The following MERTK variants were observed in gnomAD, a reference collection of about 807,000 sequenced individuals.
MERTK encodes the protein MER proto-oncogene, tyrosine kinase.
MERTK carries 69 observed loss-of-function variants against 99.3 expected under a neutral mutation model. The observed-to-expected ratio is 0.70, with a 90% CI of 0.57 to 0.85. MERTK has a LOEUF of 0.85. Among genes scored for constraint, MERTK ranks in the 40% least tolerant of loss-of-function variants. The pLI, the probability that MERTK is intolerant of heterozygous loss-of-function variation, is 0.00. For synonymous variants in MERTK, 426 were observed against 467.6 expected (o/e 0.91, Z 1.15); for missense variants, 1,125 against 1,249.4 (o/e 0.90, Z 1.50).
chr2:111,944,303 CA>C (rs776451722), intron 2 of MERTK, among the ~76,000 whole-genome samples: 20,579 of 68,160 alleles, frequency 0.3, 972 homozygotes, highest in African/African-American at 0.34. Context: ...GAATCTGTCT[CA>C]AAAAAAAAAA....
intron 8 of MERTK, among the ~76,000 whole-genome samples, chr2:111,983,997 A>G (rs1676423047): frequency 6.6e-6 from 1 of 152,214 alleles, no homozygotes; most frequent in South Asian, 2.1e-4. Context: ...GATTTATGAT[A>G]AGAAATTGAC....
intron 1 of MERTK, among the ~76,000 whole-genome samples, chr2:111,907,671 G>A (rs1275414472): frequency 6.6e-6 from 1 of 152,226 alleles, no homozygotes. Context: ...CCCCCTGAGG[G>A]GGAACAGCAG....
intron 6 of MERTK, among the ~76,000 whole-genome samples, chr2:111,973,139 C>G (rs1676157317): frequency 6.6e-6 from 1 of 152,188 alleles, no homozygotes; most frequent in Non-Finnish European, 1.5e-5. Flanking sequence ...TGAGGACCCA[C>G]TGACTGAGAA....
chr2:111,925,292 A>ATATATATATATAT (rs372747015), intron 1 of MERTK, among the ~76,000 whole-genome samples: 42 of 24,496 alleles, frequency 1.7e-3, no homozygotes, highest in Non-Finnish European at 2.5e-3. Context: ...ATATATATAT[A>ATATATATATATAT]TTTTTTTTTT....
chr2:111,998,117 A>G (rs1039437483), intron 10 of MERTK, among the ~76,000 whole-genome samples: 3 of 152,156 alleles, frequency 2.0e-5, no homozygotes, highest in Non-Finnish European at 2.9e-5. Flanking sequence ...AAGACTTGCC[A>G]TAGGCGTGGG....
At chr2:111,938,001 T>G (rs1013424616) in intron 2 of MERTK, among the ~76,000 whole-genome samples, 2 of 152,324 alleles carry the variant, frequency 1.3e-5, no homozygotes, top group South Asian at 2.1e-4. Context: ...TGTGCAACCA[T>G]CAGCACACGT....
intron 13 of MERTK, 24 bp from the exon 14 acceptor site, chr2:112,008,359 A>T: frequency 1.3e-6 from 2 of 1,576,646 alleles, no homozygotes; most frequent in Non-Finnish European, 1.7e-6. Flanking sequence ...ATCCATACTT[A>T]ACCTTTTCTA....
intron 4 of MERTK, among the ~76,000 whole-genome samples, chr2:111,964,285 C>G (rs1685315167): frequency 6.6e-6 from 1 of 151,978 alleles, no homozygotes; most frequent in Non-Finnish European, 1.5e-5. Flanking sequence ...ACTTTATTTT[C>G]CTGCTCAAAT....
At chr2:112,003,313 A>G (rs1676907836) in intron 12 of MERTK, 126 bp downstream of exon 12, 3 of 587,074 alleles carry the variant, frequency 5.1e-6, no homozygotes, top group Non-Finnish European at 9.2e-6. Flanking sequence ...ATGGATAGTT[A>G]TATTTTATTA....
intron 4 of MERTK, among the ~76,000 whole-genome samples, chr2:111,956,700 C>A (rs931041363): frequency 2.0e-5 from 3 of 152,120 alleles, no homozygotes; most frequent in African/African-American, 7.2e-5. Context: ...TTCTCTGTCA[C>A]CCAGGCTGAT....
intron 15 of MERTK, among the ~76,000 whole-genome samples, chr2:112,014,310 C>T (rs1222428170): frequency 2.0e-5 from 3 of 152,092 alleles, no homozygotes; most frequent in Non-Finnish European, 4.4e-5. Flanking sequence ...CATGAGCCAC[C>T]GTGCCCGGCC....
chr2:111,906,758 G>A (rs1684144342), intron 1 of MERTK, among the ~76,000 whole-genome samples: 1 of 152,232 alleles, frequency 6.6e-6, no homozygotes, highest in African/African-American at 2.4e-5. Flanking sequence ...AAAAAAAGAA[G>A]CTTTTTAGAT....
chr2:111,994,427 G>A, intron 9 of MERTK, 23 bp downstream of exon 9: 1 of 1,613,944 alleles, frequency 6.2e-7, no homozygotes, highest in Non-Finnish European at 8.5e-7. Context: ...CCCAGTAAGG[G>A]CTGATAGGAT....
chr2:111,965,843 C>T (rs1685350252), intron 5 of MERTK, among the ~76,000 whole-genome samples: 1 of 152,166 alleles, frequency 6.6e-6, no homozygotes, highest in Non-Finnish European at 1.5e-5. Context: ...CCTAAACTCC[C>T]TCTTCCTCTT....
chr2:111,939,167 G>T (rs1312381638), intron 2 of MERTK, among the ~76,000 whole-genome samples: 2 of 152,148 alleles, frequency 1.3e-5, no homozygotes. Flanking sequence ...ATCTGATAAT[G>T]GTCTTCTTGC....
At position 111,907,234 on chromosome 2, in the gene MERTK, G is replaced by A. The variant is rs184957321; in HGVS notation, c.61+8438G>A. On this transcript the variant is annotated intron_variant, in intron 1 of 18. Transcript: ENST00000295408. ...GTTTGAGACCAGCCTGACCAACATG[G>A]TAAAACCCTGTCTCTACTAAATACA... 3.0e-3 allele frequency among the ~76,000 whole-genome samples: 464 copies of A among 152,222 alleles called. 1 individual carries two copies. Among genetic ancestry groups the A allele is most frequent in the African/African-American group, 0.011 (440 of 41,520 alleles).
At chr2:111,949,182 G>A (rs9808061) in intron 4 of MERTK, among the ~76,000 whole-genome samples, 9,592 of 151,864 alleles carry the variant, frequency 0.063, 350 homozygotes, top group African/African-American at 0.1. Flanking sequence ...CCATATTCCT[G>A]TGTACTCCTC....
chr2:112,026,166 G>A (rs1448459898), intron 18 of MERTK: 11 of 154,170 alleles, frequency 7.1e-5, no homozygotes, highest in African/African-American at 2.7e-4. Context: ...GTTCTACTAC[G>A]ATGAAATTGC....
chr2:112,001,319 AG>A (rs754784983), intron 11 of MERTK, 33 bp downstream of exon 11: 1 of 1,507,128 alleles, frequency 6.6e-7, no homozygotes, highest in South Asian at 1.1e-5. Context: ...TTTTGGCAAA[AG>A]TTAAAATAGT....
Sources: allele counts gnomAD v4.1 joint callset (sites outside exome capture counted in the v4.1 genomes callset), GRCh38; gene constraint gnomAD v4.1.1; transcripts MANE v1.5; gene names NCBI Gene and HGNC (gene_info 2026-07-23, HGNC 2026-07-21).